The following SEMA6D variants were observed in gnomAD, a reference collection of about 807,000 sequenced individuals.
SEMA6D encodes semaphorin-6D.
SEMA6D carries 35 observed loss-of-function variants against 106.6 expected under a neutral mutation model. That is an observed-to-expected ratio of 0.33 (90% confidence interval 0.25 to 0.44). SEMA6D has a LOEUF of 0.44. SEMA6D is among the 20% of genes least tolerant of loss of function. SEMA6D has a pLI of 1.00. For synonymous variants in SEMA6D, 499 were observed against 487.7 expected (o/e 1.02, Z -0.31); for missense variants, 1,185 against 1,345.9 (o/e 0.88, Z 1.87).
intron 1 of SEMA6D, among the ~76,000 whole-genome samples, chr15:47,339,670 G>A (rs1393986981): frequency 1.3e-5 from 2 of 152,032 alleles, no homozygotes; most frequent in Non-Finnish European, 2.9e-5. Flanking sequence ...ACCAGAATGG[G>A]CAACATGATG....
chr15:47,705,570 T>TAGA (rs922221200), intron 4 of SEMA6D, among the ~76,000 whole-genome samples: 8 of 152,172 alleles, frequency 5.3e-5, no homozygotes, highest in African/African-American at 1.9e-4. Context: ...CAGTGGGATC[T>TAGA]AGAATTCATT....
intron 1 of SEMA6D, among the ~76,000 whole-genome samples, chr15:47,333,609 A>G (rs1010053842): frequency 4.6e-5 from 7 of 152,292 alleles, no homozygotes; most frequent in Non-Finnish European, 8.8e-5. Context: ...GGCATACATC[A>G]TTCACTCAGT....
At chr15:47,580,409 C>T (rs561455792) in intron 3 of SEMA6D, among the ~76,000 whole-genome samples, 1 of 152,186 alleles carries the variant, frequency 6.6e-6, no homozygotes, top group South Asian at 2.1e-4. Context: ...CCATGACTAG[C>T]AAGGTGCAAG....
At chr15:47,754,953 A>ATTTTTTTTTTTTTTTTTTTTTTTTT (rs11435743) in intron 1 of SEMA6D, among the ~76,000 whole-genome samples, 1 of 136,378 alleles carries the variant, frequency 7.3e-6, no homozygotes, top group Non-Finnish European at 1.6e-5. Flanking sequence ...TTTGTTGTTG[A>ATTTTTTTTTTTTTTTTTTTTTTTTT]TTTTTTTTTT....
chr15:47,632,092 T>C (rs1912633), intron 4 of SEMA6D, among the ~76,000 whole-genome samples: 134,191 of 151,760 alleles, frequency 0.88, 59,534 homozygotes, highest in Middle Eastern at 0.94. Flanking sequence ...TGGAGATTTC[T>C]CTGTTGTCTT....
At chr15:47,322,491 T>C (rs1167060313) in intron 1 of SEMA6D, among the ~76,000 whole-genome samples, 2 of 152,142 alleles carry the variant, frequency 1.3e-5, no homozygotes, top group East Asian at 1.9e-4. Flanking sequence ...CATCATTAGA[T>C]TGATGTTATA....
chr15:47,341,915 C>T (rs2037828876), intron 1 of SEMA6D, among the ~76,000 whole-genome samples: 1 of 150,842 alleles, frequency 6.6e-6, no homozygotes, highest in South Asian at 2.1e-4. Context: ...GAGATCACCA[C>T]AGTGCCAGAC....
intron 4 of SEMA6D, among the ~76,000 whole-genome samples, chr15:47,635,574 G>A (rs980524194): frequency 1.3e-5 from 2 of 152,192 alleles, no homozygotes; most frequent in Non-Finnish European, 1.5e-5. Flanking sequence ...AGTATGGGAG[G>A]CCCTGGACTT....
At chr15:47,200,889 G>A (rs1413822739) in intron 1 of SEMA6D, among the ~76,000 whole-genome samples, 1 of 152,182 alleles carries the variant, frequency 6.6e-6, no homozygotes, top group African/African-American at 2.4e-5. Flanking sequence ...TTTAGAAAAA[G>A]TTACCAAAAC....
chr15:47,631,906 G>A (rs1248947530), intron 4 of SEMA6D, among the ~76,000 whole-genome samples: 3 of 151,976 alleles, frequency 2.0e-5, no homozygotes, highest in Admixed American at 6.6e-5. Flanking sequence ...CATTTCTAAT[G>A]TAAGCATTTA....
At chr15:47,400,887 C>G (rs1052649684) in intron 1 of SEMA6D, among the ~76,000 whole-genome samples, 1 of 152,132 alleles carries the variant, frequency 6.6e-6, no homozygotes, top group Non-Finnish European at 1.5e-5. Flanking sequence ...ATCAGGCAGG[C>G]TTTTGTCAAA....
chr15:47,640,788 C>A (rs2077474835), intron 4 of SEMA6D, among the ~76,000 whole-genome samples: 1 of 151,848 alleles, frequency 6.6e-6, no homozygotes, highest in Non-Finnish European at 1.5e-5. Context: ...ATCGTGTGCA[C>A]CCAAAGGAAT....
rs562669002 is a variant in SEMA6D, at chr15:47,638,636, A to G, written c.-55+37740A>G. On this transcript the variant is annotated intron_variant, in intron 4 of 19. Coordinates refer to the SEMA6D transcript ENST00000558014. Reference sequence around the variant, plus strand: ...CTGATTTTTCAATGTACTATTTCAAATGTGTCAGCATTAACCTAATTTATA... The same window carrying G: ...CTGATTTTTCAATGTACTATTTCAAGTGTGTCAGCATTAACCTAATTTATA... Among the ~76,000 whole-genome samples, 6 of 152,370 alleles carry G rather than the reference A, an allele frequency of 3.9e-5. No individual in the cohort carries two copies. In the South Asian group the frequency reaches 1.0e-3, roughly 26 times the overall value.
intron 4 of SEMA6D, among the ~76,000 whole-genome samples, chr15:47,615,374 G>T (rs1165963040): frequency 6.6e-6 from 1 of 152,124 alleles, no homozygotes; most frequent in African/African-American, 2.4e-5. Flanking sequence ...GGTATCCACA[G>T]GGGTCCTTTA....
At chr15:47,604,086 C>G (rs763290123) in intron 4 of SEMA6D, 1 of 152,180 alleles carries the variant, frequency 6.6e-6, no homozygotes, top group Non-Finnish European at 1.5e-5. Flanking sequence ...GAGGCAGAGG[C>G]CTTCTGTGAT....
At chr15:47,227,937 T>G (rs1428885690) in intron 1 of SEMA6D, among the ~76,000 whole-genome samples, 3 of 143,292 alleles carry the variant, frequency 2.1e-5, no homozygotes. Flanking sequence ...TATAAGAATC[T>G]TATATATATT....
At chr15:47,359,305 T>C (rs1268033843) in intron 1 of SEMA6D, 1 of 152,202 alleles carries the variant, frequency 6.6e-6, no homozygotes, top group Non-Finnish European at 1.5e-5. Context: ...ATAATTGGTC[T>C]TAAATAATTA....
At chr15:47,689,797 A>G (rs752370707) in intron 4 of SEMA6D, among the ~76,000 whole-genome samples, 25 of 152,206 alleles carry the variant, frequency 1.6e-4, no homozygotes, top group Non-Finnish European at 3.2e-4. Flanking sequence ...TCTTCTGGGC[A>G]TGTCTCTCCG....
At chr15:47,659,532 T>G (rs1369577067) in intron 4 of SEMA6D, among the ~76,000 whole-genome samples, 1 of 152,020 alleles carries the variant, frequency 6.6e-6, no homozygotes, top group Admixed American at 6.5e-5. Flanking sequence ...GTTTTTATTT[T>G]TTGTCATTTA....
Sources: gnomAD v4.1 joint callset for allele counts (sites outside exome capture counted in the v4.1 genomes callset) on GRCh38, gnomAD v4.1.1 for gene constraint, MANE v1.5 for transcripts, NCBI Gene and HGNC (gene_info 2026-07-23, HGNC 2026-07-21) for gene names.